The following PID1 variants were observed in gnomAD, a reference collection of about 807,000 sequenced individuals.
The protein encoded by PID1 is PTB-containing, cubilin and LRP1-interacting protein.
PID1 carries 10 observed loss-of-function variants against 19.1 expected under a neutral mutation model. That is an observed-to-expected ratio of 0.52 (90% CI 0.32 to 0.89). The LOEUF is 0.89. PID1 is among the 40% of genes least tolerant of loss of function. PID1 has a pLI of 0.03. For missense variants in PID1, 248 were observed against 285.3 expected (o/e 0.87, Z 0.94); for synonymous variants, 130 against 116.0 (o/e 1.12, Z -0.78).
intron 2 of PID1, among the ~76,000 whole-genome samples, chr2:229,064,270 C>A (rs1694275094): frequency 6.6e-6 from 1 of 151,940 alleles, no homozygotes; most frequent in Non-Finnish European, 1.5e-5. Flanking sequence ...AATAGAGAGC[C>A]AGGAACAAAA....
intron 1 of PID1, among the ~76,000 whole-genome samples, chr2:229,230,257 G>T (rs1692175542): frequency 1.3e-5 from 2 of 152,180 alleles, no homozygotes; most frequent in Admixed American, 6.5e-5. Flanking sequence ...GCCAAAAGCA[G>T]ATACCATATT....
chr2:229,233,402 G>A (rs1319623357), intron 1 of PID1, among the ~76,000 whole-genome samples: 6 of 152,192 alleles, frequency 3.9e-5, no homozygotes, highest in Non-Finnish European at 7.4e-5. Flanking sequence ...GGCAGGGTGG[G>A]GATGGGGCTG....
In PID1 at chr2:229,025,226, T is replaced by C. The variant is rs72973189; in HGVS notation, c.*406A>G. 0.081 allele frequency: 15,235 copies of C among 188,634 alleles called. 757 individuals carry two copies. The highest frequency in any genetic ancestry group is 0.1 in the Non-Finnish European group (9,041 of 88,548). 11.7% of individuals were successfully genotyped at this position (188,634 alleles called of 1,614,324 possible). On this transcript the variant is annotated 3_prime_UTR_variant, in exon 3 of 3. Coordinates refer to ENST00000392055, the MANE Select transcript of PID1 (RefSeq NM_001100818.2). Reference sequence around the variant, plus strand: ...CCCATCAGCACCCTGCCCACCCCACTAGAGATCCCATAGGTGCCCCTAACA... The same window carrying C: ...CCCATCAGCACCCTGCCCACCCCACCAGAGATCCCATAGGTGCCCCTAACA...
chr2:229,139,021 A>AAGAAAG (rs1689925101), intron 2 of PID1, among the ~76,000 whole-genome samples: 2 of 86,732 alleles, frequency 2.3e-5, no homozygotes, highest in Non-Finnish European at 2.5e-5. Context: ...GAAAGAAAGA[A>AAGAAAG]AGAAAGAAAG....
At chr2:229,062,229 GTA>G (rs1290120427) in intron 2 of PID1, among the ~76,000 whole-genome samples, 1 of 151,898 alleles carries the variant, frequency 6.6e-6, no homozygotes, top group African/African-American at 2.4e-5. Context: ...GTGGGCTTTT[GTA>G]TACGGACTTT....
At chr2:229,211,301 T>C (rs1484862683) in intron 1 of PID1, among the ~76,000 whole-genome samples, 1 of 152,012 alleles carries the variant, frequency 6.6e-6, no homozygotes, top group Non-Finnish European at 1.5e-5. Flanking sequence ...TGATCTAATA[T>C]GCCTATATCC....
At chr2:229,159,692 T>A (rs1432917371) in intron 1 of PID1, among the ~76,000 whole-genome samples, 1 of 152,178 alleles carries the variant, frequency 6.6e-6, no homozygotes, top group Non-Finnish European at 1.5e-5. Flanking sequence ...CCTTGTAGAA[T>A]AAAAAGTTGC....
Position 229,133,825 on chromosome 2 carries a change from C to T in PID1, c.177+21993G>A, listed in dbSNP as rs1315644605. 2.6e-5 allele frequency among the ~76,000 whole-genome samples: 4 copies of T among 151,652 alleles called. No homozygotes were observed. The East Asian group carries it at 7.8e-4, about 29-fold the overall frequency. The stretch of plus-strand genomic sequence containing the variant: ...TACTTTAAGTTTTAGGGTACATGTG[C>T]ACAACGTGCAGGTTTGTTACATATG... On this transcript the variant is annotated intron_variant, in intron 2 of 2. Coordinates refer to ENST00000392055, the MANE Select transcript of PID1 (RefSeq NM_001100818.2).
intron 1 of PID1, among the ~76,000 whole-genome samples, chr2:229,189,752 T>C (rs530117686): frequency 1.3e-5 from 2 of 152,048 alleles, no homozygotes; most frequent in South Asian, 2.1e-4. Context: ...TAATAATCCA[T>C]AACGCAGAAC....
At chr2:229,099,659 T>C (rs1277685546) in intron 2 of PID1, among the ~76,000 whole-genome samples, 2 of 152,068 alleles carry the variant, frequency 1.3e-5, no homozygotes, top group Non-Finnish European at 1.5e-5. Context: ...AGGTACACCA[T>C]GTGACCAGTG....
At chr2:229,066,599 GTGA>G (rs1694332061) in intron 2 of PID1, among the ~76,000 whole-genome samples, 1 of 152,010 alleles carries the variant, frequency 6.6e-6, no homozygotes, top group Admixed American at 6.6e-5. Context: ...TTTACAAAGT[GTGA>G]TGATACTTGG....
chr2:229,250,091 C>T (rs1208923550), intron 1 of PID1, among the ~76,000 whole-genome samples: 1 of 152,186 alleles, frequency 6.6e-6, no homozygotes, highest in Non-Finnish European at 1.5e-5. Flanking sequence ...CACCTAATCA[C>T]TGATATTTGA....
chr2:229,155,994 G>C, intron 1 of PID1, 30 bp from the exon 2 acceptor site: 1 of 1,604,128 alleles, frequency 6.2e-7, no homozygotes, highest in Admixed American at 1.7e-5. Flanking sequence ...GCCACATGTA[G>C]TTTAATCACT....
chr2:229,088,605 C>A (rs140497467), intron 2 of PID1, among the ~76,000 whole-genome samples: 1,650 of 152,192 alleles, frequency 0.011, 16 homozygotes, highest in Non-Finnish European at 0.018. Context: ...AAATCTGGTA[C>A]TATGGACCTG....
intron 1 of PID1, among the ~76,000 whole-genome samples, chr2:229,167,357 T>C (rs1690619977): frequency 2.0e-5 from 3 of 152,180 alleles, no homozygotes; most frequent in South Asian, 4.1e-4. Flanking sequence ...AAAATAACCA[T>C]CTCTAACAAT....
chr2:229,179,891 TC>T (rs1559271443), intron 1 of PID1, among the ~76,000 whole-genome samples: 1 of 152,260 alleles, frequency 6.6e-6, no homozygotes, highest in East Asian at 1.9e-4. Context: ...GGACCTCTGC[TC>T]AGAAACAGGC....
intron 1 of PID1, among the ~76,000 whole-genome samples, chr2:229,202,885 C>A (rs1308906736): frequency 6.6e-6 from 1 of 152,042 alleles, no homozygotes; most frequent in African/African-American, 2.4e-5. Flanking sequence ...TCATTCCATC[C>A]TAAGAACAGT....
At chr2:229,244,176 G>A (rs1359963209) in intron 1 of PID1, among the ~76,000 whole-genome samples, 1 of 152,146 alleles carries the variant, frequency 6.6e-6, no homozygotes, top group Non-Finnish European at 1.5e-5. Flanking sequence ...CTATTTCAAT[G>A]AGACATGGGA....
chr2:229,263,235 A>C (rs1171054477), intron 1 of PID1, among the ~76,000 whole-genome samples: 3 of 152,208 alleles, frequency 2.0e-5, no homozygotes, highest in Non-Finnish European at 4.4e-5. Context: ...AGGTAGGTTC[A>C]GGTGCTGCTT....
Sources: allele counts gnomAD v4.1 joint callset (sites outside exome capture counted in the v4.1 genomes callset), GRCh38; gene constraint gnomAD v4.1.1; transcripts MANE v1.5; gene names NCBI Gene and HGNC (gene_info 2026-07-23, HGNC 2026-07-21).